NAALADL2: variants seen among roughly 807,000 people sequenced by gnomAD.
NAALADL2 encodes inactive N-acetylated-alpha-linked acidic dipeptidase-like protein 2.
In NAALADL2, 76 loss-of-function variants were observed where a neutral mutation model predicts 87.2. The ratio of observed to expected loss-of-function variants is 0.87; its 90% CI spans 0.72 to 1.05. The LOEUF (loss-of-function observed/expected upper bound fraction) is 1.05, where lower values mean the gene tolerates loss of function less well. Ranked by LOEUF, NAALADL2 falls within the 50% of genes least tolerant of loss-of-function variation. The probability of loss-of-function intolerance (pLI) is 0.00; values close to 1 mark genes in which losing one functional copy is unlikely to be tolerated. For missense variants in NAALADL2, 1,089 were observed against 945.8 expected, an observed-to-expected ratio of 1.15 and a Z score of -1.99; for synonymous variants, 354 against 331.0, an observed-to-expected ratio of 1.07 and a Z score of -0.75.
chr3:175,259,899 G>A (rs535172562), intron 4 of NAALADL2, among the ~76,000 whole-genome samples: 4 of 151,924 alleles, frequency 2.6e-5, no homozygotes, highest in South Asian at 2.1e-4. Flanking sequence ...GTGGTGGTGC[G>A]CACCTATAAT....
At chr3:175,284,716 A>G (rs927344311) in intron 4 of NAALADL2, among the ~76,000 whole-genome samples, 4 of 152,124 alleles carry the variant, frequency 2.6e-5, no homozygotes, top group African/African-American at 9.7e-5. Flanking sequence ...TAAATTACAT[A>G]ACTAAATTAA....
At chr3:174,673,086 A>G (rs1356368031) in intron 2 of NAALADL2, among the ~76,000 whole-genome samples, 1 of 152,072 alleles carries the variant, frequency 6.6e-6, no homozygotes, top group Non-Finnish European at 1.5e-5. Flanking sequence ...AAAGAAATAG[A>G]GAAAATAAAG....
At chr3:175,006,167 A>G (rs1352774322) in intron 1 of NAALADL2, among the ~76,000 whole-genome samples, 1 of 152,068 alleles carries the variant, frequency 6.6e-6, no homozygotes. Context: ...TTAAAGGCCC[A>G]CCTAAAATCC....
chr3:175,681,443 TA>T (rs1010968762), intron 11 of NAALADL2, among the ~76,000 whole-genome samples: 144 of 152,318 alleles, frequency 9.5e-4, no homozygotes, highest in African/African-American at 3.3e-3. Flanking sequence ...TTGTACTTTC[TA>T]AATTTAAGCG....
At chr3:175,307,230 C>T (rs961497560) in intron 4 of NAALADL2, among the ~76,000 whole-genome samples, 1 of 151,782 alleles carries the variant, frequency 6.6e-6, no homozygotes, top group South Asian at 2.1e-4. Context: ...TAAAAATCCC[C>T]TGGAGTAGTT....
At chr3:175,704,334 T>C (rs968218216) in intron 11 of NAALADL2, among the ~76,000 whole-genome samples, 2 of 152,202 alleles carry the variant, frequency 1.3e-5, no homozygotes, top group Non-Finnish European at 2.9e-5. Context: ...TAATCTGTAA[T>C]GTTTATTCCT....
intron 2 of NAALADL2, among the ~76,000 whole-genome samples, chr3:175,149,399 T>C (rs1191417368): frequency 1.3e-5 from 2 of 152,178 alleles, no homozygotes; most frequent in Non-Finnish European, 2.9e-5. Context: ...TCTCAAATTT[T>C]AGGAATTGCA....
chr3:175,273,330 A>G (rs1165444758), intron 4 of NAALADL2, among the ~76,000 whole-genome samples: 3 of 152,110 alleles, frequency 2.0e-5, no homozygotes, highest in African/African-American at 4.8e-5. Context: ...TATTCACCAG[A>G]TATTAATTTG....
At chr3:175,777,995 AGTCTGTGT>A (rs1164457874) in intron 13 of NAALADL2, among the ~76,000 whole-genome samples, 10 of 152,322 alleles carry the variant, frequency 6.6e-5, no homozygotes, top group South Asian at 2.1e-4. Context: ...TTTCATACGC[AGTCTGTGT>A]GTCTGTGTGT....
intron 9 of NAALADL2, among the ~76,000 whole-genome samples, chr3:175,499,202 C>T (rs1729211744): frequency 6.6e-6 from 1 of 152,078 alleles, no homozygotes; most frequent in African/African-American, 2.4e-5. Context: ...AGTGCAATGA[C>T]AGGAATACAT....
chr3:174,905,952 G>A (rs1256928363), intron 1 of NAALADL2, among the ~76,000 whole-genome samples: 1 of 152,052 alleles, frequency 6.6e-6, no homozygotes, highest in Non-Finnish European at 1.5e-5. Context: ...GTAATGTTAA[G>A]CATGCTAAAG....
Position 174,948,429 on chromosome 3 carries a change from G to A in NAALADL2, c.43+88979G>A, listed in dbSNP as rs1025309642. On this transcript the variant is annotated intron_variant, in intron 1 of 13. Transcript: ENST00000454872. ...TGACCTCAGGTGATCCACCCGCCTC[G>A]GCCTCTCAAAGTGCTGGGATTACAG... Among the ~76,000 whole-genome samples the A allele has an allele frequency of 5.3e-5, 8 of 151,990 alleles. No homozygotes were observed. The South Asian group carries it at 6.2e-4, about 12-fold the overall frequency.
intron 1 of NAALADL2, among the ~76,000 whole-genome samples, chr3:174,929,995 C>T (rs1736632573): frequency 2.0e-5 from 3 of 152,046 alleles, no homozygotes; most frequent in Admixed American, 1.3e-4. Context: ...TTTTATTTCC[C>T]CTGTTCTATC....
At chr3:174,456,122 A>G (rs1243078402) in intron 1 of NAALADL2, among the ~76,000 whole-genome samples, 8 of 152,246 alleles carry the variant, frequency 5.3e-5, no homozygotes, top group Non-Finnish European at 7.4e-5. Flanking sequence ...TGCCACAAAA[A>G]GAATAAAATA....
In NAALADL2 at chr3:174,542,713, A is replaced by G. The variant is rs138310162; in HGVS notation, c.-183-7856A>G. On this transcript the variant is annotated intron_variant, in intron 1 of 3. Coordinates refer to the NAALADL2 transcript ENST00000434257. Reference sequence around the variant, plus strand: ...AGCTTGTCAACATACAGATGTTGACATTTCATTTGTAAACTGTCATGGCAC... The same window carrying G: ...AGCTTGTCAACATACAGATGTTGACGTTTCATTTGTAAACTGTCATGGCAC... Among the ~76,000 whole-genome samples, 9 of 152,264 alleles carry G rather than the reference A, an allele frequency of 5.9e-5. No homozygotes were observed. In the East Asian group the frequency reaches 1.5e-3, roughly 26 times the overall value.
chr3:175,012,967 G>GTATATA (rs372741122), intron 1 of NAALADL2, among the ~76,000 whole-genome samples: 3,892 of 126,900 alleles, frequency 0.031, 228 homozygotes, highest in African/African-American at 0.11. Flanking sequence ...AGATGTGTGT[G>GTATATA]TATATATATA....
chr3:174,774,065 C>T (rs925885707), intron 3 of NAALADL2, among the ~76,000 whole-genome samples: 1 of 152,116 alleles, frequency 6.6e-6, no homozygotes, highest in Non-Finnish European at 1.5e-5. Context: ...CATTATCTCT[C>T]TACTGTACTC....
chr3:175,356,228 C>G (rs6768060), intron 5 of NAALADL2, among the ~76,000 whole-genome samples: 4 of 151,790 alleles, frequency 2.6e-5, no homozygotes, highest in African/African-American at 9.7e-5. Flanking sequence ...TTCAACAGAA[C>G]TCTTTAGAAT....
intron 2 of NAALADL2, among the ~76,000 whole-genome samples, chr3:175,185,510 A>G (rs1031026099): frequency 6.6e-6 from 1 of 152,010 alleles, no homozygotes; most frequent in African/African-American, 2.4e-5. Flanking sequence ...ATCATGATGT[A>G]TTTATATAAA....
Sources: gnomAD v4.1 joint callset for allele counts (sites outside exome capture counted in the v4.1 genomes callset) on GRCh38, gnomAD v4.1.1 for gene constraint, MANE v1.5 for transcripts, NCBI Gene and HGNC (gene_info 2026-07-23, HGNC 2026-07-21) for gene names.